Variants in TRIM2 observed in about 807,000 individuals in gnomAD.
TRIM2 encodes tripartite motif-containing protein 2.
A neutral mutation model predicts 75.2 loss-of-function variants in TRIM2; 20 were observed. That is an observed-to-expected ratio of 0.27 (90% confidence interval 0.19 to 0.39). The LOEUF (loss-of-function observed/expected upper bound fraction) is 0.39, where lower values mean the gene tolerates loss of function less well. Among genes scored for constraint, TRIM2 ranks in the 10% least tolerant of loss-of-function variants. The probability of loss-of-function intolerance (pLI) is 1.00; values close to 1 mark genes in which losing one functional copy is unlikely to be tolerated. For synonymous variants in TRIM2, 373 were observed against 388.3 expected (o/e 0.96, Z 0.46); for missense variants, 660 against 990.8 (o/e 0.67, Z 4.48).
In TRIM2 at chr4:153,308,133, G is replaced by A. The variant is rs1348222949; in HGVS notation, c.1511-7352G>A. 4.2e-5 allele frequency: 46 copies of A among 1,088,162 alleles called. No individual in the cohort carries two copies. In the Middle Eastern group the frequency reaches 6.0e-4, roughly 14 times the overall value. The allele number at this position is 1,088,162 out of a possible 1,614,324, so 67.4% of individuals were successfully genotyped here. A position where few individuals can be genotyped will look rare whatever the true frequency, so the allele number is the denominator to read the frequency against. On this transcript the variant is annotated intron_variant, in intron 6 of 11. Coordinates refer to ENST00000338700, the MANE Select transcript of TRIM2 (RefSeq NM_015271.5). ...CTCGGTCATGACGCTGATCCACTTG[G>A]GAACTTCAGTTCCTTTCCTCTTCAC...
At chr4:153,319,588 G>A (rs1768472343) in intron 8 of TRIM2, among the ~76,000 whole-genome samples, 1 of 151,986 alleles carries the variant, frequency 6.6e-6, no homozygotes, top group South Asian at 2.1e-4. Flanking sequence ...AAATTATCTG[G>A]GCATGGTGAT....
intron 1 of TRIM2, among the ~76,000 whole-genome samples, chr4:153,186,745 C>T (rs1489163820): frequency 6.6e-6 from 1 of 152,212 alleles, no homozygotes; most frequent in African/African-American, 2.4e-5. Context: ...GCCACACCCT[C>T]ACCTGATACC....
intron 1 of TRIM2, among the ~76,000 whole-genome samples, chr4:153,156,125 C>A (rs990450912): frequency 6.6e-6 from 1 of 152,212 alleles, no homozygotes; most frequent in African/African-American, 2.4e-5. Context: ...ACACCCCAGC[C>A]GAAGCTGGCC....
At position 153,312,731 on chromosome 4, in the gene TRIM2, C is replaced by T. The variant is rs112359086; in HGVS notation, c.1511-2754C>T. Among the ~76,000 whole-genome samples, 105 of 152,184 alleles carry T rather than the reference C, an allele frequency of 6.9e-4. 3 individuals are homozygous for T. Among genetic ancestry groups the T allele is most frequent in the African/African-American group, 2.2e-3 (92 of 41,474 alleles). On this transcript the variant is annotated intron_variant, in intron 6 of 11. Coordinates refer to ENST00000338700, the MANE Select transcript of TRIM2 (RefSeq NM_015271.5). ...GGTATATATCCAAAGGACTATAAATCGTGCTGCTATAAAGACACATGCACA... is the reference window on the plus strand; with the variant it reads ...GGTATATATCCAAAGGACTATAAATTGTGCTGCTATAAAGACACATGCACA...
At chr4:153,268,213 C>A (rs1389268934) in intron 1 of TRIM2, among the ~76,000 whole-genome samples, 1 of 152,196 alleles carries the variant, frequency 6.6e-6, no homozygotes, top group Non-Finnish European at 1.5e-5. Context: ...GTTTTGTTAT[C>A]GCGAAGAGCA....
At chr4:153,192,602 C>CAA (rs35750080) in intron 1 of TRIM2, among the ~76,000 whole-genome samples, 3 of 106,430 alleles carry the variant, frequency 2.8e-5, no homozygotes, top group African/African-American at 7.8e-5. Context: ...GACCCTATCT[C>CAA]AAAAAAAAAA....
rs527449151 is a variant in TRIM2 at position 153,193,943 on chromosome 4, G to A, written c.-49+40673G>A. 5.9e-5 allele frequency among the ~76,000 whole-genome samples: 9 copies of A among 152,250 alleles called. No homozygotes were observed. In the South Asian group the frequency reaches 1.9e-3, roughly 32 times the overall value. On this transcript the variant is annotated intron_variant, in intron 1 of 11. Coordinates refer to the TRIM2 transcript ENST00000437508. The stretch of plus-strand genomic sequence containing the variant: ...TGTGCAGGTGAGAACAGGGATGCGG[G>A]GCCCCCAGGATATACAGAGAGAAGC...
At chr4:153,221,079 G>T (rs1481604293) in intron 1 of TRIM2, among the ~76,000 whole-genome samples, 1 of 152,182 alleles carries the variant, frequency 6.6e-6, no homozygotes, top group Non-Finnish European at 1.5e-5. Context: ...GCCACCAGTG[G>T]AAACGATCCA....
intron 3 of TRIM2, among the ~76,000 whole-genome samples, chr4:153,284,871 T>C (rs1457428153): frequency 6.6e-6 from 1 of 152,212 alleles, no homozygotes; most frequent in Non-Finnish European, 1.5e-5. Flanking sequence ...ACTAGCCATA[T>C]TTTCTCCCAT....
intron 1 of TRIM2, among the ~76,000 whole-genome samples, chr4:153,249,885 C>A (rs1267781183): frequency 1.5e-4 from 23 of 152,148 alleles, no homozygotes; most frequent in Non-Finnish European, 3.4e-4. Flanking sequence ...AATCAGGAAC[C>A]CATAGTTAGC....
intron 9 of TRIM2, among the ~76,000 whole-genome samples, chr4:153,323,416 T>C (rs1769434774): frequency 6.6e-6 from 1 of 152,224 alleles, no homozygotes; most frequent in Admixed American, 6.5e-5. Context: ...TTATGCTTTG[T>C]CTCCAGTTCT....
Position 153,296,030 on chromosome 4 carries a change from C to T in TRIM2, c.1504C>T (p.Arg502Ter). 1.3e-6 allele frequency: 2 copies of T among 1,521,948 alleles called. No individual in the cohort carries two copies. The highest frequency in any genetic ancestry group is 8.8e-7 in the Non-Finnish European group (1 of 1,136,848). The allele number at this position is 1,521,948 out of a possible 1,614,324, so 94.3% of individuals were successfully genotyped here. Residue 502 changes from arginine to a stop codon, truncating the protein, a stop_gained, in exon 6 of 12, where the codon CGA becomes TGA. Transcript: ENST00000338700. LOFTEE classifies it high-confidence loss of function. ...TCCCATCGAAGACGATTTGATCTTT[C>T]GAGTGGGTAAGGAGAGGGCTTCTGT... Reference protein sequence around the residue: ...ENPIEDDLIFRVGTKGRNKGE... With the variant: ...ENPIEDDLIF
chr4:153,280,061 G>A (rs906791418), intron 3 of TRIM2, among the ~76,000 whole-genome samples: 7 of 151,252 alleles, frequency 4.6e-5, no homozygotes, highest in African/African-American at 9.7e-5. Context: ...GTGATAAAGC[G>A]AGACCCTGCC....
chr4:153,315,804 AT>A, intron 7 of TRIM2, 27 bp from the exon 8 acceptor site: 1 of 1,614,022 alleles, frequency 6.2e-7, no homozygotes, highest in Middle Eastern at 1.6e-4. Flanking sequence ...ACTAGTTCAC[AT>A]TCCAATGAAT....
At chr4:153,165,872 A>G (rs377220532) in intron 1 of TRIM2, among the ~76,000 whole-genome samples, 1 of 152,028 alleles carries the variant, frequency 6.6e-6, no homozygotes, top group African/African-American at 2.4e-5. Context: ...TTTTCTATTA[A>G]TTATTTTGAT....
chr4:153,270,064 G>A (rs998718737), intron 1 of TRIM2, among the ~76,000 whole-genome samples: 3 of 152,090 alleles, frequency 2.0e-5, no homozygotes, highest in African/African-American at 7.2e-5. Flanking sequence ...GAGTAGCTGA[G>A]GCAACAGGCG....
intron 1 of TRIM2, among the ~76,000 whole-genome samples, chr4:153,179,448 C>A (rs564354737): frequency 6.6e-5 from 10 of 151,920 alleles, no homozygotes; most frequent in Non-Finnish European, 1.3e-4. Flanking sequence ...TCACAGCCTC[C>A]CAGACTTATT....
intron 9 of TRIM2, among the ~76,000 whole-genome samples, chr4:153,323,390 T>C (rs958585602): frequency 6.6e-6 from 1 of 152,268 alleles, no homozygotes; most frequent in Non-Finnish European, 1.5e-5. Flanking sequence ...TTAGTATTAA[T>C]TTGCATAATA....
intron 1 of TRIM2, among the ~76,000 whole-genome samples, chr4:153,249,735 C>T (rs1261734921): frequency 6.6e-6 from 1 of 152,188 alleles, no homozygotes; most frequent in Non-Finnish European, 1.5e-5. Context: ...ATTAATTAAA[C>T]AAGGTAAACT....
Sources: allele counts gnomAD v4.1 joint callset (sites outside exome capture counted in the v4.1 genomes callset), GRCh38; gene constraint gnomAD v4.1.1; transcripts MANE v1.5; gene names NCBI Gene and HGNC (gene_info 2026-07-23, HGNC 2026-07-21).